KIF22: variants seen among roughly 807,000 people sequenced by gnomAD.
KIF22 encodes kinesin-like protein KIF22.
KIF22 carries 62 observed loss-of-function variants against 73.0 expected under a neutral mutation model. The observed-to-expected ratio is 0.85, with a 90% CI of 0.69 to 1.05. KIF22 has a LOEUF of 1.05. Among genes scored for constraint, KIF22 ranks in the 50% least tolerant of loss-of-function variants. KIF22 has a pLI of 0.00. For missense variants in KIF22, 854 were observed against 870.1 expected, an observed-to-expected ratio of 0.98 and a Z score of 0.23; for synonymous variants, 411 against 340.1, an observed-to-expected ratio of 1.21 and a Z score of -2.29.
In KIF22 at chr16:29,803,541, C is replaced by T. The variant is rs1899219414; in HGVS notation, c.1542C>T (p.Pro514=). The T allele has an allele frequency of 6.2e-6, 10 of 1,614,010 alleles. No homozygotes were observed. The highest frequency in any genetic ancestry group is 8.5e-6 in the Non-Finnish European group (10 of 1,179,924). Residue 514 remains proline, a synonymous_variant, in exon 10 of 14, where the codon CCC becomes CCT. Transcript: ENST00000160827. ...ACCATTGTCCCACAATGCTCCGGCC[C>T]CTTTCACATCGCACAGTCACAGGGG... is the stretch of plus-strand genomic sequence containing the variant. ...KENHCPTMLR[P]LSHRTVTGAK... is the part of the protein sequence containing the mutation.
intron 9 of KIF22, 187 bp from the exon 10 acceptor site, chr16:29,803,262 G>A: frequency 1.5e-6 from 1 of 672,244 alleles, no homozygotes. Flanking sequence ...TTCCACCTCT[G>A]GGTAGCCCCC....
chr16:29,791,861 T>C (rs1248585651), intron 1 of KIF22, among the ~76,000 whole-genome samples: 1 of 152,200 alleles, frequency 6.6e-6, no homozygotes, highest in Admixed American at 6.5e-5. Context: ...AGTCTCCCCT[T>C]ACCCTTCGAA....
At chr16:29,793,761 T>C (rs920929275) in intron 1 of KIF22, among the ~76,000 whole-genome samples, 1 of 152,084 alleles carries the variant, frequency 6.6e-6, no homozygotes, top group Non-Finnish European at 1.5e-5. Context: ...ATGTCAGTAG[T>C]GCTGAAGTTG....
chr16:29,799,228 C>T (rs1170626901), intron 5 of KIF22, 36 bp from the exon 6 acceptor site: 2 of 1,610,964 alleles, frequency 1.2e-6, no homozygotes, highest in African/African-American at 1.3e-5. Context: ...GCCCAGGAGC[C>T]TGAGCTAAGC....
chr16:29,804,341 G>A (rs1179323505), intron 11 of KIF22: 4 of 601,364 alleles, frequency 6.7e-6, no homozygotes, highest in Admixed American at 2.9e-5. Flanking sequence ...GGAAAACTTA[G>A]GGAACTATGA....
rs200193862 is a variant in KIF22, at chr16:29,805,142, A to G, written c.1918A>G (p.Ile640Val). 7.4e-6 allele frequency: 12 copies of G among 1,613,578 alleles called. No homozygotes were observed. Among genetic ancestry groups the G allele is most frequent in the South Asian group, 2.2e-5 (2 of 91,082 alleles). The part of the protein sequence containing the change: ...QVEDLERVEG[I>V]TGKQMESFLK... ...GGAGGACCTGGAACGCGTGGAGGGC[A>G]TAACGGGGAAACAGATGGAGTCCTT... Residue 640 changes from isoleucine to valine, a missense_variant, in exon 13 of 14, where the codon ATA becomes GTA. By Grantham distance (29) the Ile-to-Val change is conservative (BLOSUM62 3). Around this residue, in one of 3 missense-constraint regions of KIF22, gnomAD observed 423 missense variants for 365.4 expected, o/e 1.16. Transcript: ENST00000160827.
At chr16:29,801,927 G>T (rs1395759089) in intron 8 of KIF22, among the ~76,000 whole-genome samples, 1 of 152,144 alleles carries the variant, frequency 6.6e-6, no homozygotes, top group Non-Finnish European at 1.5e-5. Context: ...TATTGATACA[G>T]ATGTGAGGAG....
intron 8 of KIF22, 120 bp from the exon 9 acceptor site, chr16:29,802,649 T>C: frequency 1.1e-6 from 1 of 949,544 alleles, no homozygotes; most frequent in South Asian, 2.0e-5. Flanking sequence ...GCCTAGCAAG[T>C]TAACATTAGG....
In KIF22 at chr16:29,798,660, C is replaced by G. The variant is rs762171792; in HGVS notation, c.462C>G (p.Leu154=). ...TGATCCCGCGGGCTCTCATGGACCT[C>G]CTGCAGCTCACAAGGGAGGAGGGTG... ...PGVIPRALMD[L]LQLTREEGAE... The change falls in exon 4 of 14, where the codon CTC becomes CTG. Residue 154 remains leucine, a synonymous_variant. Coordinates refer to ENST00000160827, the MANE Select transcript of KIF22 (RefSeq NM_007317.3). The surrounding 1 kb of genome is among the most constrained non-coding windows in gnomAD (Gnocchi z 4.1). 6.2e-7 allele frequency: 1 copy of G among 1,614,174 alleles called. No homozygotes were observed. Among genetic ancestry groups the G allele is most frequent in the Middle Eastern group, 1.6e-4 (1 of 6,062 alleles).
chr16:29,796,253 A>G (rs1271328661), intron 1 of KIF22, among the ~76,000 whole-genome samples: 2 of 122,312 alleles, frequency 1.6e-5, no homozygotes, highest in East Asian at 4.8e-4. Context: ...CCTGGGTGAC[A>G]GAGCAAGACT....
rs1447044813 is a variant in KIF22, at chr16:29,798,532, G to T, written c.394+31G>T. 2 of 1,613,972 alleles carry T rather than the reference G, an allele frequency of 1.2e-6. No individual in the cohort carries two copies. Among genetic ancestry groups the T allele is most frequent in the Non-Finnish European group, 1.7e-6 (2 of 1,179,996 alleles). On this transcript the variant is annotated intron_variant, in intron 3 of 13. Coordinates refer to ENST00000160827, the MANE Select transcript of KIF22 (RefSeq NM_007317.3). This position sits in a 1 kb window ranked among gnomAD's most constrained non-coding sequence, Gnocchi z 4.1. ...GGAGCCAGAAAAGAAACAGCTATGG[G>T]TCAGAAAGGGCTGGGGAAACGGAGA... is the stretch of plus-strand genomic sequence containing the variant.
At chr16:29,801,617 G>A (rs1195882259) in intron 8 of KIF22, among the ~76,000 whole-genome samples, 1 of 152,168 alleles carries the variant, frequency 6.6e-6, no homozygotes, top group Non-Finnish European at 1.5e-5. Flanking sequence ...ATCAAACCCA[G>A]CAGACCCAGA....
chr16:29,803,675 A>G (rs553404309), intron 10 of KIF22, 67 bp downstream of exon 10: 1 of 1,290,016 alleles, frequency 7.8e-7, no homozygotes, highest in East Asian at 2.4e-5. Flanking sequence ...AAGTGTTAGG[A>G]GCAGCTGTCT....
intron 1 of KIF22, among the ~76,000 whole-genome samples, chr16:29,791,823 G>A (rs920690948): frequency 6.6e-6 from 1 of 152,168 alleles, no homozygotes; most frequent in Non-Finnish European, 1.5e-5. Flanking sequence ...TTATGCCCAA[G>A]TACATGTTAT....
intron 1 of KIF22, chr16:29,791,343 A>T: frequency 3.3e-6 from 2 of 604,410 alleles, no homozygotes; most frequent in Non-Finnish European, 4.2e-6. Context: ...TTGGCAGCGT[A>T]AGATGCTCTG....
At chr16:29,792,939 G>T (rs1206472561) in intron 1 of KIF22, among the ~76,000 whole-genome samples, 2 of 152,222 alleles carry the variant, frequency 1.3e-5, no homozygotes, top group Non-Finnish European at 2.9e-5. Flanking sequence ...TTGGGCAGAG[G>T]TAGTGCAGTG....
Position 29,798,699 on chromosome 16 carries a change from A to C in KIF22, c.501A>C (p.Pro167=), listed in dbSNP as rs755824124. ...LTREEGAEGR[P]WALSVTMSYL... Reference sequence around the variant, plus strand: ...GGGAGGAGGGTGCCGAGGGCCGGCCATGGGCCCTTTCTGTCACCATGTCTT... The same window carrying C: ...GGGAGGAGGGTGCCGAGGGCCGGCCCTGGGCCCTTTCTGTCACCATGTCTT... Residue 167 remains proline (P), a synonymous_variant, in exon 4 of 14, where the codon CCA becomes CCC. Transcript: ENST00000160827. This position sits in a 1 kb window ranked among gnomAD's most constrained non-coding sequence, Gnocchi z 4.1. The C allele has an allele frequency of 6.2e-7, 1 of 1,614,114 alleles. No homozygotes were observed. The highest frequency in any genetic ancestry group is 8.5e-7 in the Non-Finnish European group (1 of 1,180,002).
chr16:29,792,431 T>C (rs1253401782), intron 1 of KIF22: 1 of 984,346 alleles, frequency 1.0e-6, no homozygotes, highest in Non-Finnish European at 1.2e-6. Flanking sequence ...AGCCAGTGAT[T>C]AGTAGTTTAT....
chr16:29,803,464 C>T lies in KIF22; in HGVS notation c.1465C>T (p.Gln489Ter). 2 of 1,614,050 alleles carry T rather than the reference C, an allele frequency of 1.2e-6. No homozygotes were observed. The highest frequency in any genetic ancestry group is 1.7e-6 in the Non-Finnish European group (2 of 1,180,002). The change falls in exon 10 of 14, where the codon CAA becomes TAA. Residue 489 changes from glutamine (Q) to a stop codon, truncating the protein, a stop_gained. Coordinates refer to ENST00000160827, the MANE Select transcript of KIF22 (RefSeq NM_007317.3). LOFTEE classifies it high-confidence loss of function. ...DLEIERLKTK[Q>*]KELEAKMLAQ... ...TTTCCAACAGAGGCTTAAGACGAAG[C>T]AAAAAGAACTGGAGGCCAAGATGTT...
Sources: gnomAD v4.1 joint callset for allele counts (sites outside exome capture counted in the v4.1 genomes callset) on GRCh38, gnomAD v4.1.1 for gene constraint, gnomAD v4.1.1 regional missense constraint, Gnocchi (gnomAD v3.1) non-coding constraint, MANE v1.5 for transcripts, NCBI Gene and HGNC (gene_info 2026-07-23, HGNC 2026-07-21) for gene names.